Variants in NAA11 observed in about 807,000 individuals in gnomAD.
NAA11 encodes the protein N-alpha-acetyltransferase 11.
NAA11 carries 15 observed loss-of-function variants against 16.1 expected under a neutral mutation model. The observed-to-expected ratio is 0.93, with a 90% CI of 0.62 to 1.44. The LOEUF (loss-of-function observed/expected upper bound fraction) is 1.44. NAA11 is among the 40% of genes most tolerant of loss of function. The pLI is 0.00. For synonymous variants in NAA11, 122 were observed against 112.4 expected, an observed-to-expected ratio of 1.09 and a Z score of -0.54; for missense variants, 298 against 291.3, an observed-to-expected ratio of 1.02 and a Z score of -0.17.
At chr4:79,287,166 A>G (rs1474594144) in intron 2 of NAA11, among the ~76,000 whole-genome samples, 2 of 152,132 alleles carry the variant, frequency 1.3e-5, no homozygotes, top group African/African-American at 2.4e-5. Flanking sequence ...AGTTTGAGAT[A>G]ATTGTGTGTG....
At chr4:79,291,495 C>T (rs1289293148) in intron 2 of NAA11, among the ~76,000 whole-genome samples, 1 of 151,988 alleles carries the variant, frequency 6.6e-6, no homozygotes, top group Non-Finnish European at 1.5e-5. Context: ...TGGGCCGGGC[C>T]TGGTGGCTCA....
chr4:79,205,298 ACT>A, the NAA11 span, among the ~76,000 whole-genome samples: 1 of 151,506 alleles, frequency 6.6e-6, no homozygotes, highest in Non-Finnish European at 1.5e-5. Flanking sequence ...GTGTGTAAGT[ACT>A]CTGTTTTCAC....
chr4:79,279,230 A>G (rs1722733962), intron 2 of NAA11, among the ~76,000 whole-genome samples: 1 of 152,150 alleles, frequency 6.6e-6, no homozygotes, highest in Admixed American at 6.6e-5. Context: ...GTGCCAGGCA[A>G]TATACTAAGT....
intron 2 of NAA11, among the ~76,000 whole-genome samples, chr4:79,236,461 T>C (rs1030512629): frequency 2.0e-5 from 3 of 151,926 alleles, no homozygotes; most frequent in Non-Finnish European, 4.4e-5. Context: ...ATGTATTTTA[T>C]GGAAAAAAAA....
chr4:79,238,118 G>A (rs1406849975), intron 2 of NAA11, among the ~76,000 whole-genome samples: 1 of 152,104 alleles, frequency 6.6e-6, no homozygotes, highest in African/African-American at 2.4e-5. Context: ...TTTTCCATTT[G>A]TTGGCCAAAA....
the NAA11 span, among the ~76,000 whole-genome samples, chr4:79,192,937 A>T: frequency 6.6e-6 from 1 of 152,082 alleles, no homozygotes; most frequent in Non-Finnish European, 1.5e-5. Context: ...GTATGAGATG[A>T]TATCTCATTG....
chr4:79,243,137 T>C (rs561784936), intron 2 of NAA11, among the ~76,000 whole-genome samples: 4 of 152,318 alleles, frequency 2.6e-5, no homozygotes, highest in East Asian at 3.9e-4. Flanking sequence ...GATGCATACA[T>C]GGTAGAGAGA....
At chr4:79,263,434 A>G (rs1421904928) in intron 2 of NAA11, among the ~76,000 whole-genome samples, 1 of 152,192 alleles carries the variant, frequency 6.6e-6, no homozygotes, top group Non-Finnish European at 1.5e-5. Flanking sequence ...CAGAGCTTGT[A>G]TCTGGAACAA....
At chr4:79,295,804 C>G (rs1470625412) in intron 1 of NAA11, among the ~76,000 whole-genome samples, 1 of 152,132 alleles carries the variant, frequency 6.6e-6, no homozygotes, top group Admixed American at 6.6e-5. Flanking sequence ...CTATCTCCAT[C>G]ATTGATAAAG....
chr4:79,263,365 G>T (rs1034507799), intron 2 of NAA11, among the ~76,000 whole-genome samples: 3 of 152,130 alleles, frequency 2.0e-5, no homozygotes, highest in African/African-American at 7.2e-5. Context: ...TAGAAGAAAT[G>T]ACCTAGTGCA....
chr4:79,212,153 C>CT, the NAA11 span, among the ~76,000 whole-genome samples: 1 of 152,104 alleles, frequency 6.6e-6, no homozygotes, highest in African/African-American at 2.4e-5. Flanking sequence ...TTTTACATGC[C>CT]TCCTTGCCAT....
At chr4:79,184,882 A>C in the NAA11 span, among the ~76,000 whole-genome samples, 1 of 152,202 alleles carries the variant, frequency 6.6e-6, no homozygotes, top group African/African-American at 2.4e-5. Context: ...CAAATTAATT[A>C]ATTGGCAAAA....
At chr4:79,273,075 A>C (rs1042944891) in intron 2 of NAA11, among the ~76,000 whole-genome samples, 12 of 151,950 alleles carry the variant, frequency 7.9e-5, no homozygotes, top group African/African-American at 2.9e-4. Flanking sequence ...CCTCTTAGGA[A>C]TTAGGCCCAG....
intron 2 of NAA11, among the ~76,000 whole-genome samples, chr4:79,230,135 T>G (rs1014553272): frequency 1.3e-5 from 2 of 151,966 alleles, no homozygotes; most frequent in Non-Finnish European, 2.9e-5. Context: ...CTATCATTGT[T>G]GGACATTTGG....
chr4:79,159,609 T>G, the NAA11 span, among the ~76,000 whole-genome samples: 12 of 152,310 alleles, frequency 7.9e-5, no homozygotes, highest in South Asian at 2.5e-3. Flanking sequence ...ACTATACTAT[T>G]AGGTTGGTGA....
chr4:79,185,508 T>C, the NAA11 span, among the ~76,000 whole-genome samples: 722 of 152,314 alleles, frequency 4.7e-3, 3 homozygotes, highest in Middle Eastern at 0.01. Context: ...GAGTTTGGAA[T>C]TGGGAATTTC....
chr4:79,265,025 C>T (rs1722313552), intron 2 of NAA11, among the ~76,000 whole-genome samples: 1 of 152,154 alleles, frequency 6.6e-6, no homozygotes, highest in Admixed American at 6.5e-5. Flanking sequence ...AACTATGCTT[C>T]TTAATTGTCT....
At chr4:79,288,696 A>C (rs1723007824) in intron 2 of NAA11, among the ~76,000 whole-genome samples, 1 of 152,174 alleles carries the variant, frequency 6.6e-6, no homozygotes, top group African/African-American at 2.4e-5. Context: ...GAAATAGCAA[A>C]ATTTAAAACT....
the NAA11 span, among the ~76,000 whole-genome samples, chr4:79,161,467 A>G: frequency 2.6e-5 from 4 of 152,200 alleles, no homozygotes; most frequent in African/African-American, 9.6e-5. Flanking sequence ...AAACCCCCAA[A>G]TTTATTTTTT....
Sources: gnomAD v4.1 joint callset for allele counts (sites outside exome capture counted in the v4.1 genomes callset) on GRCh38, gnomAD v4.1.1 for gene constraint, MANE v1.5 for transcripts, NCBI Gene and HGNC (gene_info 2026-07-23, HGNC 2026-07-21) for gene names.